NFIA: variants seen among roughly 807,000 people sequenced by gnomAD.
The protein encoded by NFIA is nuclear factor 1 A-type.
In NFIA, 8 loss-of-function variants were observed where a neutral mutation model predicts 62.8. That is an observed-to-expected ratio of 0.13 (90% confidence interval 0.07 to 0.23). NFIA has a LOEUF of 0.23. NFIA is among the 10% of genes least tolerant of loss of function. The pLI is 1.00. For missense variants in NFIA, 410 were observed against 642.1 expected, an observed-to-expected ratio of 0.64 and a Z score of 3.91; for synonymous variants, 235 against 238.1, an observed-to-expected ratio of 0.99 and a Z score of 0.12.
At chr1:61,432,628 C>CACACATATATATAT (rs1557434319) in intron 10 of NFIA, among the ~76,000 whole-genome samples, 1 of 151,162 alleles carries the variant, frequency 6.6e-6, no homozygotes, top group South Asian at 2.1e-4. Context: ...CACACACGTA[C>CACACATATATATAT]ACACATATAT....
At position 61,326,046 on chromosome 1, in the gene NFIA, G is replaced by T. The variant is rs141009439; in HGVS notation, c.626-6466G>T. Among the ~76,000 whole-genome samples the T allele has an allele frequency of 2.3e-3, 350 of 151,872 alleles. 6 individuals carry two copies. The highest frequency in any genetic ancestry group is 8.1e-3 in the African/African-American group (335 of 41,406). On this transcript the variant is annotated intron_variant, in intron 3 of 10. Coordinates refer to ENST00000403491, the MANE Select transcript of NFIA (RefSeq NM_001134673.4). ...AATTGCACACATTCCACTAAGGTAA[G>T]CCTTGGGAGGCAAGTTGCTGGTAGG...
At chr1:61,401,857 C>T (rs1557759307) in intron 7 of NFIA, among the ~76,000 whole-genome samples, 2 of 152,164 alleles carry the variant, frequency 1.3e-5, no homozygotes, top group Non-Finnish European at 2.9e-5. Context: ...GCAAGGAGGA[C>T]TGTACCATGT....
chr1:61,313,274 T>A (rs529328396), intron 3 of NFIA, among the ~76,000 whole-genome samples: 19 of 152,278 alleles, frequency 1.2e-4, no homozygotes, highest in African/African-American at 4.3e-4. Flanking sequence ...AAAAAAGGTT[T>A]AATTGGCTCA....
At chr1:61,134,567 G>A (rs1647146056) in intron 2 of NFIA, among the ~76,000 whole-genome samples, 1 of 152,134 alleles carries the variant, frequency 6.6e-6, no homozygotes, top group African/African-American at 2.4e-5. Context: ...ATGACTTAGA[G>A]TCTTTTAGTT....
intron 2 of NFIA, among the ~76,000 whole-genome samples, chr1:61,094,456 CT>C (rs1385711000): frequency 1.3e-5 from 2 of 152,046 alleles, no homozygotes; most frequent in African/African-American, 4.8e-5. Flanking sequence ...GACTAAGACA[CT>C]ATTTAGAGCT....
intron 2 of NFIA, among the ~76,000 whole-genome samples, chr1:61,211,387 T>C (rs1422545421): frequency 6.6e-6 from 1 of 152,210 alleles, no homozygotes; most frequent in Non-Finnish European, 1.5e-5. Context: ...CAAATTACAA[T>C]TTATTAGTAA....
intron 3 of NFIA, among the ~76,000 whole-genome samples, chr1:61,301,932 G>A (rs894969797): frequency 5.3e-5 from 8 of 152,192 alleles, no homozygotes; most frequent in African/African-American, 7.2e-5. Flanking sequence ...GCACTTAGCC[G>A]CTGCTGACCT....
chr1:61,093,353 A>G (rs993576335), intron 2 of NFIA, among the ~76,000 whole-genome samples: 6 of 152,166 alleles, frequency 3.9e-5, no homozygotes, highest in African/African-American at 1.4e-4. Context: ...CACAATATAC[A>G]CAATATACAC....
chr1:61,378,905 G>A (rs567167200), intron 6 of NFIA, among the ~76,000 whole-genome samples: 1 of 152,174 alleles, frequency 6.6e-6, no homozygotes, highest in Non-Finnish European at 1.5e-5. Context: ...CAATATGGCA[G>A]CTGACTTCTT....
intron 3 of NFIA, among the ~76,000 whole-genome samples, chr1:61,308,209 G>A (rs1659905268): frequency 6.6e-6 from 1 of 152,224 alleles, no homozygotes; most frequent in Non-Finnish European, 1.5e-5. Context: ...GGAGGACAGA[G>A]ATGAAGGAAG....
chr1:61,289,106 A>G (rs1374436395), intron 3 of NFIA, among the ~76,000 whole-genome samples: 2 of 152,140 alleles, frequency 1.3e-5, no homozygotes, highest in Non-Finnish European at 2.9e-5. Context: ...GCCAATGGAG[A>G]GTCCCTGAGC....
At chr1:61,422,061 A>G (rs922641061) in intron 9 of NFIA, among the ~76,000 whole-genome samples, 1 of 152,192 alleles carries the variant, frequency 6.6e-6, no homozygotes, top group Non-Finnish European at 1.5e-5. Flanking sequence ...TAGGAGTTTG[A>G]GACCAGCCTG....
intron 9 of NFIA, among the ~76,000 whole-genome samples, chr1:61,425,672 T>C (rs1018950625): frequency 6.6e-6 from 1 of 152,194 alleles, no homozygotes; most frequent in Non-Finnish European, 1.5e-5. Context: ...CACTGAATTT[T>C]TTCCCATTAA....
At chr1:61,227,023 C>T (rs370993682) in intron 2 of NFIA, among the ~76,000 whole-genome samples, 6 of 152,322 alleles carry the variant, frequency 3.9e-5, no homozygotes, top group South Asian at 4.1e-4. Context: ...AACTCTCAAA[C>T]GCCCATTTTG....
intron 2 of NFIA, among the ~76,000 whole-genome samples, chr1:61,210,363 A>G (rs1422105576): frequency 6.6e-6 from 1 of 152,176 alleles, no homozygotes; most frequent in Non-Finnish European, 1.5e-5. Flanking sequence ...AAAAACACAA[A>G]AACCATTTCT....
chr1:61,094,252 G>A (rs1366744330), intron 2 of NFIA, among the ~76,000 whole-genome samples: 1 of 152,144 alleles, frequency 6.6e-6, no homozygotes, highest in Non-Finnish European at 1.5e-5. Flanking sequence ...GAAGTCAGGT[G>A]GAGGAGGAAG....
At chr1:61,432,608 T>TAC (rs1488599886) in intron 10 of NFIA, among the ~76,000 whole-genome samples, 65 of 94,708 alleles carry the variant, frequency 6.9e-4, no homozygotes, top group African/African-American at 2.8e-3. Flanking sequence ...TATATATATA[T>TAC]ATACACACAC....
chr1:61,243,605 G>A (rs1218305834), intron 2 of NFIA, among the ~76,000 whole-genome samples: 1 of 152,044 alleles, frequency 6.6e-6, no homozygotes, highest in East Asian at 1.9e-4. Flanking sequence ...TAACGTTGTT[G>A]TAGCTGAGGC....
At chr1:61,442,280 C>T (rs949047927) in intron 10 of NFIA, among the ~76,000 whole-genome samples, 2 of 152,188 alleles carry the variant, frequency 1.3e-5, no homozygotes, top group African/African-American at 4.8e-5. Context: ...CAAGCAAACA[C>T]GCTTCCAAAG....
Sources: allele counts gnomAD v4.1 joint callset (sites outside exome capture counted in the v4.1 genomes callset), GRCh38; gene constraint gnomAD v4.1.1; transcripts MANE v1.5; gene names NCBI Gene and HGNC (gene_info 2026-07-23, HGNC 2026-07-21).